SPARC: variants seen among roughly 807,000 people sequenced by gnomAD.
SPARC encodes basement-membrane protein 40.
Under a neutral mutation model 37.7 loss-of-function variants are expected in SPARC, and 23 were observed. The observed-to-expected ratio is 0.61, with a 90% CI of 0.44 to 0.87. The LOEUF is 0.87. Ranked by LOEUF, SPARC falls within the 40% of genes least tolerant of loss-of-function variation. The pLI is 0.00. For missense variants in SPARC, 312 were observed against 389.0 expected, an observed-to-expected ratio of 0.80 and a Z score of 1.66; for synonymous variants, 155 against 150.8, an observed-to-expected ratio of 1.03 and a Z score of -0.20.
At chr5:151,681,972 C>T (rs1761004175) in intron 1 of SPARC, among the ~76,000 whole-genome samples, 2 of 152,144 alleles carry the variant, frequency 1.3e-5, no homozygotes, top group South Asian at 4.1e-4. Flanking sequence ...AGGGACATTC[C>T]CTAAGATACC....
intron 1 of SPARC, 33 bp from the exon 2 acceptor site, chr5:151,676,234 G>T: frequency 3.4e-6 from 5 of 1,461,534 alleles, no homozygotes; most frequent in Non-Finnish European, 4.8e-6. Flanking sequence ...GTTCAGTGAG[G>T]GTGAGACTTC....
chr5:151,685,455 C>T (rs932188886), intron 1 of SPARC, among the ~76,000 whole-genome samples: 10 of 151,720 alleles, frequency 6.6e-5, no homozygotes, highest in African/African-American at 2.4e-4. Flanking sequence ...CACACACACA[C>T]ACAGTGCATA....
intron 1 of SPARC, among the ~76,000 whole-genome samples, chr5:151,682,611 G>A (rs1318634615): frequency 6.6e-6 from 1 of 152,194 alleles, no homozygotes; most frequent in Non-Finnish European, 1.5e-5. Context: ...AGCCACTACC[G>A]ATGAATTAGT....
At chr5:151,666,088 C>T (rs1760613033) in intron 8 of SPARC, among the ~76,000 whole-genome samples, 2 of 152,208 alleles carry the variant, frequency 1.3e-5, no homozygotes, top group South Asian at 4.1e-4. Flanking sequence ...ATTCACACTC[C>T]TTCATTATCC....
chr5:151,673,173 A>G lies in SPARC; in HGVS notation c.164T>C (p.Phe55Ser), dbSNP rs1760784481. The change falls in exon 4 of 10, where the codon TTT (phenylalanine) becomes TCT (serine). Residue 55 changes from phenylalanine (F) to serine (S), a missense_variant. Phe to Ser is a radical substitution (Grantham distance 155, BLOSUM62 -2). Transcript: ENST00000231061. Reference protein sequence around the residue: ...ANPVQVEVGEFDDGAEETEEE... With the variant: ...ANPVQVEVGESDDGAEETEEE... ...TTCGGTTTCCTCTGCACCATCATCA[A>G]ATTCTCCTACTTCCACCTGGACAGG... 1.2e-6 allele frequency: 2 copies of G among 1,613,962 alleles called. No individual in the cohort carries two copies. Among genetic ancestry groups the G allele is most frequent in the Admixed American group, 1.7e-5 (1 of 60,000 alleles).
At chr5:151,673,473 T>G (rs1229652738) in intron 3 of SPARC, among the ~76,000 whole-genome samples, 1 of 152,122 alleles carries the variant, frequency 6.6e-6, no homozygotes, top group Non-Finnish European at 1.5e-5. Context: ...AGGGGAAAAG[T>G]CAAGCTGAGA....
intron 6 of SPARC, among the ~76,000 whole-genome samples, chr5:151,669,239 G>A (rs1034080337): frequency 6.6e-6 from 1 of 152,206 alleles, no homozygotes; most frequent in Non-Finnish European, 1.5e-5. Context: ...CGACAGGCAT[G>A]CCCTTATTTT....
At position 151,663,256 on chromosome 5, in the gene SPARC, A is replaced by G. The variant is rs917461076; in HGVS notation, c.*315T>C. The G allele has an allele frequency of 6.2e-6, 2 of 321,998 alleles. No homozygotes were observed. The highest frequency in any genetic ancestry group is 4.3e-5 in the African/African-American group (2 of 46,486). The allele number at this position is 321,998 out of a possible 1,614,324, so 19.9% of individuals were successfully genotyped here. A position where few individuals can be genotyped will look rare whatever the true frequency, so the allele number is the denominator to read the frequency against. ...ACTAAAGAGAAAAGTTGAAGCTGCA[A>G]TGTGTGTTTAAGGCAGAGCCCAGCA... is the stretch of plus-strand genomic sequence containing the variant. On this transcript the variant is annotated 3_prime_UTR_variant, in exon 10 of 10. Transcript: ENST00000231061.
intron 6 of SPARC, 149 bp from the exon 7 acceptor site, chr5:151,667,749 T>C: frequency 1.3e-6 from 1 of 785,258 alleles, no homozygotes; most frequent in Non-Finnish European, 2.0e-6. Flanking sequence ...CACAGGACAA[T>C]GAGCAGAGGA....
intron 1 of SPARC, among the ~76,000 whole-genome samples, chr5:151,681,041 A>C (rs1241994180): frequency 6.6e-6 from 1 of 152,194 alleles, no homozygotes; most frequent in Non-Finnish European, 1.5e-5. Context: ...CTGGCCTCTT[A>C]CTTGGGCAGC....
At chr5:151,683,940 T>C (rs1761068938) in intron 1 of SPARC, among the ~76,000 whole-genome samples, 2 of 152,266 alleles carry the variant, frequency 1.3e-5, no homozygotes, top group East Asian at 3.8e-4. Context: ...TACCTGTCCC[T>C]GTTTATCTCT....
intron 1 of SPARC, among the ~76,000 whole-genome samples, chr5:151,678,033 C>A (rs1192739603): frequency 6.6e-6 from 1 of 152,166 alleles, no homozygotes; most frequent in Non-Finnish European, 1.5e-5. Context: ...TAAATAACTC[C>A]TGCATGTGGC....
intron 1 of SPARC, among the ~76,000 whole-genome samples, chr5:151,680,177 C>A (rs17112187): frequency 0.12 from 16,889 of 146,788 alleles, 1,398 homozygotes; most frequent in African/African-American, 0.23. Context: ...TTAACCCATA[C>A]CTTGTTGAAA....
intron 8 of SPARC, among the ~76,000 whole-genome samples, chr5:151,665,923 G>A (rs1760609538): frequency 6.6e-6 from 1 of 152,148 alleles, no homozygotes; most frequent in South Asian, 2.1e-4. Context: ...TAACTTCCAG[G>A]GTCAGTTGGG....
chr5:151,664,765 G>A (rs112621395), intron 8 of SPARC, among the ~76,000 whole-genome samples: 2,124 of 152,306 alleles, frequency 0.014, 24 homozygotes, highest in Non-Finnish European at 0.015. Context: ...AAGGGACTGG[G>A]ATTGGCAGTG....
intron 1 of SPARC, chr5:151,676,941 A>T (rs922277346): frequency 3.3e-5 from 5 of 152,178 alleles, no homozygotes; most frequent in African/African-American, 9.7e-5. Context: ...TCTCCATTCT[A>T]CCCAGAAGAG....
Position 151,671,680 on chromosome 5 carries a change from G to A in SPARC, c.223C>T (p.His75Tyr). Residue 75 changes from histidine (H) to tyrosine (Y), a missense_variant, in exon 5 of 10, where the codon CAC (histidine) becomes TAC (tyrosine). Coordinates refer to ENST00000231061, the MANE Select transcript of SPARC (RefSeq NM_003118.4). ...CACACCTTGCCGTGTTTGCAGTGGT[G>A]GTTCTGGCAGGGATCTGTAGGGCAG... ...EVVAENPCQN[H>Y]HCKHGKVCEL... 7 of 1,613,716 alleles carry A rather than the reference G, an allele frequency of 4.3e-6. No individual in the cohort carries two copies. Among genetic ancestry groups the A allele is most frequent in the Admixed American group, 1.7e-5 (1 of 59,990 alleles).
chr5:151,679,171 C>G (rs1760927149), intron 1 of SPARC: 1 of 152,218 alleles, frequency 6.6e-6, no homozygotes, highest in South Asian at 2.1e-4. Context: ...AAAACTCCCT[C>G]CTTTGTATTT....
intron 1 of SPARC, among the ~76,000 whole-genome samples, chr5:151,682,721 C>T (rs906467969): frequency 1.3e-5 from 2 of 152,180 alleles, no homozygotes; most frequent in African/African-American, 2.4e-5. Flanking sequence ...GGAGGTCACA[C>T]GGCAAGCTGG....
Sources: allele counts gnomAD v4.1 joint callset (sites outside exome capture counted in the v4.1 genomes callset), GRCh38; gene constraint gnomAD v4.1.1; transcripts MANE v1.5; gene names NCBI Gene and HGNC (gene_info 2026-07-23, HGNC 2026-07-21).